Variants in CLASP1 observed in about 807,000 individuals in gnomAD.
CLASP1 encodes cytoplasmic linker associated protein 1.
Under a neutral mutation model 192.3 loss-of-function variants are expected in CLASP1, and 38 were observed. That is an observed-to-expected ratio of 0.20 (90% CI 0.15 to 0.26). The LOEUF (loss-of-function observed/expected upper bound fraction) is 0.26. Ranked by LOEUF, CLASP1 falls within the 10% of genes least tolerant of loss-of-function variation. The probability of loss-of-function intolerance (pLI) is 1.00; values close to 1 mark genes in which losing one functional copy is unlikely to be tolerated. For missense variants in CLASP1, 1,433 were observed against 1,932.5 expected, an observed-to-expected ratio of 0.74 and a Z score of 4.85; for synonymous variants, 691 against 712.8, an observed-to-expected ratio of 0.97 and a Z score of 0.49.
exon 40 of CLASP1, chr2:121,337,826 TTTC>T (rs1212053030): frequency 6.6e-6 from 1 of 151,668 alleles, no homozygotes; most frequent in African/African-American, 2.4e-5. Context: ...GTTTTTTTTT[TTTC>T]TTTTTTAGCA....
intron 1 of CLASP1, among the ~76,000 whole-genome samples, chr2:121,642,000 A>G (rs2072174345): frequency 7.2e-6 from 1 of 139,290 alleles, no homozygotes. Flanking sequence ...CTTTAAAAAC[A>G]AACCAAAAAA....
chr2:121,639,374 T>C (rs2071574799), intron 1 of CLASP1, among the ~76,000 whole-genome samples: 2 of 152,066 alleles, frequency 1.3e-5, no homozygotes, highest in African/African-American at 4.8e-5. Context: ...ATATGAAATA[T>C]CCAGAATAGG....
At chr2:121,616,700 G>A (rs1432628243) in intron 1 of CLASP1, among the ~76,000 whole-genome samples, 11 of 152,134 alleles carry the variant, frequency 7.2e-5, no homozygotes, top group Non-Finnish European at 1.2e-4. Context: ...AGAAAGACGC[G>A]CTGCCATGCC....
chr2:121,500,781 A>T (rs1303422615), intron 8 of CLASP1, among the ~76,000 whole-genome samples: 1 of 152,248 alleles, frequency 6.6e-6, no homozygotes, highest in Non-Finnish European at 1.5e-5. Context: ...AAACAGTAAT[A>T]CTACACATAC....
intron 2 of CLASP1, among the ~76,000 whole-genome samples, chr2:121,581,260 CTTTTTTTTTTT>C (rs60345742): frequency 2.3e-4 from 13 of 57,668 alleles, no homozygotes; most frequent in African/African-American, 2.9e-4. Context: ...GCCTTTTGTT[CTTTTTTTTTTT>C]TTTTTTTTTT....
chr2:121,448,943 A>C lies in CLASP1; in HGVS notation c.1691+10T>G, dbSNP rs2084898885. The C allele has an allele frequency of 6.8e-6, 11 of 1,607,148 alleles. No homozygotes were observed. The highest frequency in any genetic ancestry group is 1.1e-5 in the South Asian group (1 of 89,510). On this transcript the variant is annotated intron_variant, in intron 17 of 39. Transcript: ENST00000263710. ...CTCACATGAATGATAAGCAAAGATGAATCTCTTACTTTAGACTCTCTTGAG... is the reference window on the plus strand; with the variant it reads ...CTCACATGAATGATAAGCAAAGATGCATCTCTTACTTTAGACTCTCTTGAG...
Position 121,606,200 on chromosome 2 carries a change from AACG to A in CLASP1, c.-285-23_-285-21del, listed in dbSNP as rs1319692906. The A allele has an allele frequency of 4.4e-6, 2 of 453,736 alleles. No homozygotes were observed. Among genetic ancestry groups the A allele is most frequent in the Non-Finnish European group, 7.7e-6 (2 of 258,446 alleles). The allele number at this position is 453,736 out of a possible 1,614,324, so 28.1% of individuals were successfully genotyped here. On this transcript the variant is annotated intron_variant, in intron 1 of 39. Transcript: ENST00000263710. ...TCCATTCTGAAAAGTAAGAGAAGAG[AACG>A]ACAAATTAGCACAGATAACATAACA...
chr2:121,472,462 A>G (rs916610310), intron 8 of CLASP1, among the ~76,000 whole-genome samples: 1 of 152,232 alleles, frequency 6.6e-6, no homozygotes. Flanking sequence ...AAGAAAAGAA[A>G]CAAACAAGGC....
chr2:121,492,546 C>A (rs767233813), intron 8 of CLASP1, among the ~76,000 whole-genome samples: 1 of 151,384 alleles, frequency 6.6e-6, no homozygotes, highest in Non-Finnish European at 1.5e-5. Context: ...GTTTTTCCAA[C>A]GTAGATCAAC....
intron 35 of CLASP1, among the ~76,000 whole-genome samples, chr2:121,366,582 C>T (rs2067457272): frequency 6.6e-6 from 1 of 152,226 alleles, no homozygotes; most frequent in Non-Finnish European, 1.5e-5. Flanking sequence ...GTCTGCTCCC[C>T]TGACAGACCT....
At chr2:121,648,226 C>T (rs577193617) in intron 1 of CLASP1, among the ~76,000 whole-genome samples, 3 of 152,222 alleles carry the variant, frequency 2.0e-5, no homozygotes, top group African/African-American at 7.2e-5. Flanking sequence ...ATTTCTAATG[C>T]CAGAATTGAA....
At chr2:121,440,197 C>CT (rs2083071369) in intron 19 of CLASP1, among the ~76,000 whole-genome samples, 1 of 151,122 alleles carries the variant, frequency 6.6e-6, no homozygotes, top group African/African-American at 2.4e-5. Flanking sequence ...CATTTCCTTA[C>CT]TTTTTTGGGA....
chr2:121,380,562 AGAACATG>A (rs761489619), intron 33 of CLASP1, among the ~76,000 whole-genome samples: 1 of 152,166 alleles, frequency 6.6e-6, no homozygotes, highest in Non-Finnish European at 1.5e-5. Context: ...GGGAGGGAGG[AGAACATG>A]GGGTCAGGTC....
intron 32 of CLASP1, among the ~76,000 whole-genome samples, chr2:121,384,198 T>C (rs866003168): frequency 3.2e-4 from 48 of 151,642 alleles, no homozygotes; most frequent in African/African-American, 1.1e-3. Flanking sequence ...ACACACATTT[T>C]TTGTTTTTAA....
At chr2:121,369,067 G>A (rs115166683) in intron 34 of CLASP1, among the ~76,000 whole-genome samples, 10 of 152,324 alleles carry the variant, frequency 6.6e-5, no homozygotes, top group African/African-American at 2.4e-4. Context: ...TGGAACTGCT[G>A]AACACATTCC....
At chr2:121,645,283 G>A (rs2072975958) in intron 1 of CLASP1, among the ~76,000 whole-genome samples, 1 of 152,188 alleles carries the variant, frequency 6.6e-6, no homozygotes, top group Non-Finnish European at 1.5e-5. Flanking sequence ...CTTAATTCAG[G>A]TTCCTTCAGG....
At chr2:121,611,468 T>C in intron 1 of CLASP1, among the ~76,000 whole-genome samples, 1 of 112,612 alleles carries the variant, frequency 8.9e-6, no homozygotes. Context: ...GAAGAGGAAC[T>C]GGAGGAGGAG....
chr2:121,522,894 G>A (rs1172708512), intron 6 of CLASP1, among the ~76,000 whole-genome samples: 2 of 152,218 alleles, frequency 1.3e-5, no homozygotes, highest in East Asian at 3.8e-4. Flanking sequence ...CACATGGTAG[G>A]TGCATGATTT....
At chr2:121,438,383 A>G (rs886952744) in intron 19 of CLASP1, among the ~76,000 whole-genome samples, 2 of 152,236 alleles carry the variant, frequency 1.3e-5, no homozygotes, top group Non-Finnish European at 2.9e-5. Flanking sequence ...GACAGACATT[A>G]TATCAACTTG....
Sources: allele counts gnomAD v4.1 joint callset (sites outside exome capture counted in the v4.1 genomes callset), GRCh38; gene constraint gnomAD v4.1.1; transcripts MANE v1.5; gene names NCBI Gene and HGNC (gene_info 2026-07-23, HGNC 2026-07-21).